The following IQCM variants were observed in gnomAD, a reference collection of about 807,000 sequenced individuals.
IQCM encodes IQ domain-containing protein M.
In IQCM, 45 loss-of-function variants were observed where a neutral mutation model predicts 57.6. That is an observed-to-expected ratio of 0.78 (90% CI 0.62 to 1.00). The LOEUF (loss-of-function observed/expected upper bound fraction) is 1.00. Ranked by LOEUF, IQCM falls within the 50% of genes least tolerant of loss-of-function variation. The pLI, the probability that IQCM is intolerant of heterozygous loss-of-function variation, is 0.00. For synonymous variants in IQCM, 148 were observed against 158.9 expected, an observed-to-expected ratio of 0.93 and a Z score of 0.51; for missense variants, 468 against 511.6, an observed-to-expected ratio of 0.91 and a Z score of 0.82.
chr4:149,630,584 T>G (rs541248548), intron 7 of IQCM, among the ~76,000 whole-genome samples: 2 of 152,326 alleles, frequency 1.3e-5, no homozygotes, highest in Admixed American at 1.3e-4. Flanking sequence ...AAATAAGAAT[T>G]ATTCCAAGTT....
intron 12 of IQCM, among the ~76,000 whole-genome samples, chr4:149,436,514 C>A (rs747444057): frequency 3.9e-5 from 6 of 151,994 alleles, no homozygotes; most frequent in Non-Finnish European, 8.8e-5. Context: ...GTCAATGGAG[C>A]CTTGGAACTT....
At chr4:149,548,691 G>A in intron 11 of IQCM, 102 bp from the exon 12 acceptor site, 1 of 514,294 alleles carries the variant, frequency 1.9e-6, no homozygotes, top group Non-Finnish European at 3.0e-6. Context: ...AAGTCTCCAT[G>A]ATTAGTCTAG....
chr4:149,643,232 T>C lies in IQCM; in HGVS notation c.566-21988A>G, dbSNP rs145429492. 3.1e-3 allele frequency among the ~76,000 whole-genome samples: 476 copies of C among 152,286 alleles called. 4 individuals carry two copies. Among genetic ancestry groups the C allele is most frequent in the Middle Eastern group, 0.01 (3 of 294 alleles). The stretch of plus-strand genomic sequence containing the variant: ...AGGTATTTATTTCATATTTATTAGA[T>C]GCAGATAAACACTGAATACCTACTT... On this transcript the variant is annotated intron_variant, in intron 7 of 13. Coordinates refer to ENST00000636793, the MANE Select transcript of IQCM (RefSeq NM_001363507.2).
intron 12 of IQCM, among the ~76,000 whole-genome samples, chr4:149,485,267 T>C (rs1026245059): frequency 3.9e-5 from 6 of 152,012 alleles, no homozygotes; most frequent in African/African-American, 1.2e-4. Context: ...TTTGGGAAGT[T>C]CTCTGATATT....
intron 13 of IQCM, among the ~76,000 whole-genome samples, chr4:149,358,943 T>C (rs1363190017): frequency 9.4e-6 from 1 of 105,986 alleles, no homozygotes; most frequent in East Asian, 2.5e-4. Flanking sequence ...GAGACACGGG[T>C]TGAGGGGTAG....
chr4:149,461,903 T>G (rs1011846856), intron 12 of IQCM, among the ~76,000 whole-genome samples: 6 of 151,836 alleles, frequency 4.0e-5, no homozygotes, highest in Non-Finnish European at 8.8e-5. Context: ...CAGAAGAAAT[T>G]TTTATTAGAA....
At chr4:149,553,382 A>G in intron 10 of IQCM, 95 bp from the exon 11 acceptor site, 1 of 993,740 alleles carries the variant, frequency 1.0e-6, no homozygotes. Context: ...AGTTTCTAAG[A>G]TTATGGGTGT....
chr4:149,745,001 T>A (rs1561225937), intron 2 of IQCM, among the ~76,000 whole-genome samples: 1 of 151,856 alleles, frequency 6.6e-6, no homozygotes. Flanking sequence ...GAAGGTGACA[T>A]AAAAGAGAGT....
At chr4:149,352,362 A>G (rs1728639586) in intron 13 of IQCM, among the ~76,000 whole-genome samples, 2 of 152,202 alleles carry the variant, frequency 1.3e-5, no homozygotes, top group South Asian at 2.1e-4. Flanking sequence ...CTGGTAATGG[A>G]TTCAAGGAAC....
chr4:149,683,933 G>T (rs1290224134), intron 6 of IQCM, among the ~76,000 whole-genome samples: 1 of 151,186 alleles, frequency 6.6e-6, no homozygotes, highest in Non-Finnish European at 1.5e-5. Context: ...AACATGAATT[G>T]TCATGTAACA....
chr4:149,741,523 T>A (rs1767454331), intron 3 of IQCM, among the ~76,000 whole-genome samples: 2 of 152,098 alleles, frequency 1.3e-5, no homozygotes, highest in South Asian at 4.1e-4. Context: ...CTTCCCATCT[T>A]TAAAAGTGTT....
intron 8 of IQCM, among the ~76,000 whole-genome samples, chr4:149,603,742 G>C (rs1301508471): frequency 6.6e-6 from 1 of 151,486 alleles, no homozygotes; most frequent in East Asian, 1.9e-4. Flanking sequence ...GTCAACTTCA[G>C]AACAAAGAAA....
rs543291477 is a variant in IQCM at position 149,565,332 on chromosome 4, G to T, written c.750-1442C>A. ...TAAGTCTTGTTCTGTTTTGTACATG[G>T]ATATTATTTTTATTCTCTTGGTAAC... On this transcript the variant is annotated intron_variant, in intron 9 of 13. Coordinates refer to ENST00000636793, the MANE Select transcript of IQCM (RefSeq NM_001363507.2). Among the ~76,000 whole-genome samples the T allele has an allele frequency of 4.6e-5, 7 of 152,140 alleles. No individual in the cohort carries two copies. In the East Asian group the frequency reaches 1.4e-3, roughly 29 times the overall value.
At chr4:149,660,725 C>T (rs1236655695) in intron 7 of IQCM, among the ~76,000 whole-genome samples, 1 of 151,834 alleles carries the variant, frequency 6.6e-6, no homozygotes, top group African/African-American at 2.4e-5. Context: ...AGTAAACTAT[C>T]GCAAGGACAA....
intron 12 of IQCM, among the ~76,000 whole-genome samples, chr4:149,540,157 T>G (rs1747706228): frequency 7.0e-6 from 1 of 142,848 alleles, no homozygotes; most frequent in African/African-American, 2.4e-5. Context: ...AGAAAGGCCA[T>G]GTGAGGACAC....
intron 9 of IQCM, among the ~76,000 whole-genome samples, chr4:149,583,703 G>A (rs62338946): frequency 0.011 from 1,701 of 151,626 alleles, 10 homozygotes; most frequent in Non-Finnish European, 0.019. Context: ...GGAACATTAT[G>A]TATAAAGTAT....
intron 11 of IQCM, among the ~76,000 whole-genome samples, chr4:149,549,207 A>T (rs765715572): frequency 6.6e-6 from 1 of 152,168 alleles, no homozygotes; most frequent in East Asian, 1.9e-4. Context: ...TTTAGAAAGG[A>T]GTTAGATAAT....
chr4:149,493,808 C>T (rs1360312913), intron 12 of IQCM, among the ~76,000 whole-genome samples: 2 of 151,416 alleles, frequency 1.3e-5, no homozygotes, highest in African/African-American at 4.9e-5. Context: ...CAAACGCTGT[C>T]CTTCACTGAG....
chr4:149,642,533 C>T (rs1758285321), intron 7 of IQCM, among the ~76,000 whole-genome samples: 2 of 152,124 alleles, frequency 1.3e-5, no homozygotes, highest in Non-Finnish European at 1.5e-5. Context: ...AAGAGATATT[C>T]TGTGATCCCA....
Sources: gnomAD v4.1 joint callset for allele counts (sites outside exome capture counted in the v4.1 genomes callset) on GRCh38, gnomAD v4.1.1 for gene constraint, MANE v1.5 for transcripts, NCBI Gene and HGNC (gene_info 2026-07-23, HGNC 2026-07-21) for gene names.